HSPBAP1: variants seen among roughly 807,000 people sequenced by gnomAD.
The protein encoded by HSPBAP1 is HSPB1-associated protein 1.
Under a neutral mutation model 45.2 loss-of-function variants are expected in HSPBAP1, and 27 were observed. The observed-to-expected ratio is 0.60, with a 90% confidence interval of 0.44 to 0.82. HSPBAP1 has a LOEUF of 0.82. Among genes scored for constraint, HSPBAP1 ranks in the 40% least tolerant of loss-of-function variants. HSPBAP1 has a pLI of 0.00. For missense variants in HSPBAP1, 510 were observed against 590.9 expected, an observed-to-expected ratio of 0.86 and a Z score of 1.42; for synonymous variants, 204 against 202.7, an observed-to-expected ratio of 1.01 and a Z score of -0.06.
At chr3:122,778,943 C>T (rs1431648858) in intron 1 of HSPBAP1, among the ~76,000 whole-genome samples, 1 of 152,126 alleles carries the variant, frequency 6.6e-6, no homozygotes, top group Non-Finnish European at 1.5e-5. Flanking sequence ...AACTTTTCTT[C>T]GACCTATAAA....
At position 122,755,356 on chromosome 3, in the gene HSPBAP1, A is replaced by C; in HGVS notation, c.645T>G (p.Ser215Arg). 6.2e-7 allele frequency: 1 copy of C among 1,603,838 alleles called. No homozygotes were observed. The highest frequency in any genetic ancestry group is 8.5e-7 in the Non-Finnish European group (1 of 1,174,854). ...YPTRIPYEES[S>R]VFSKINVVNP... ...TGACAACATTGATTTTACTGAACAC[A>C]CTAGATTCTTCATAAGGGATTCTAG... is the stretch of plus-strand genomic sequence containing the variant. The change falls in exon 5 of 8, where the codon AGT (serine) becomes AGG (arginine). Residue 215 changes from serine to arginine, a missense_variant. By Grantham distance (110) the Ser-to-Arg change is moderately radical (BLOSUM62 -1). Coordinates refer to ENST00000306103, the MANE Select transcript of HSPBAP1 (RefSeq NM_024610.6).
At chr3:122,781,179 G>A (rs1211176915) in intron 1 of HSPBAP1, among the ~76,000 whole-genome samples, 3 of 150,966 alleles carry the variant, frequency 2.0e-5, no homozygotes, top group Non-Finnish European at 4.4e-5. Flanking sequence ...CTGCAATCTC[G>A]GCACTTTGGG....
intron 2 of HSPBAP1, among the ~76,000 whole-genome samples, chr3:122,776,666 A>T (rs1935202111): frequency 6.6e-6 from 1 of 152,230 alleles, no homozygotes; most frequent in Admixed American, 6.5e-5. Context: ...GAAAAGGCAC[A>T]ATTTGATTTT....
chr3:122,777,873 G>T lies in HSPBAP1; in HGVS notation c.98C>A (p.Ala33Glu). 1 of 1,612,794 alleles carries T rather than the reference G, an allele frequency of 6.2e-7. No individual in the cohort carries two copies. Among genetic ancestry groups the T allele is most frequent in the Non-Finnish European group, 8.5e-7 (1 of 1,179,218 alleles). The change falls in exon 2 of 8, where the codon GCA (alanine) becomes GAA (glutamate). Residue 33 changes from alanine to glutamate, a missense_variant. Physicochemically the swap from Ala to Glu is moderately radical, Grantham distance 107 (BLOSUM62 -1). Coordinates refer to ENST00000306103, the MANE Select transcript of HSPBAP1 (RefSeq NM_024610.6). Reference sequence around the variant, plus strand: ...TTGTAAAGACATGATAATTTCTTTTGCTTTCTCTGGCTTAAAAGGTTTGAC... The same window carrying T: ...TTGTAAAGACATGATAATTTCTTTTTCTTTCTCTGGCTTAAAAGGTTTGAC... ...EHVKPFKPEKAKEIIMSLQQP... is the reference protein window; with the variant it reads ...EHVKPFKPEKEKEIIMSLQQP...
At chr3:122,788,064 A>C (rs922851872) in intron 1 of HSPBAP1, among the ~76,000 whole-genome samples, 3 of 152,156 alleles carry the variant, frequency 2.0e-5, no homozygotes, top group Non-Finnish European at 4.4e-5. Flanking sequence ...TATCAATACC[A>C]ATGCTTGGTG....
intron 6 of HSPBAP1, chr3:122,741,538 C>T (rs1459293214): frequency 5.8e-6 from 1 of 172,020 alleles, no homozygotes; most frequent in Admixed American, 5.5e-5. Flanking sequence ...AGATGGCTAT[C>T]CATCTAAACG....
chr3:122,779,576 A>G (rs921134272), intron 1 of HSPBAP1, among the ~76,000 whole-genome samples: 2 of 151,446 alleles, frequency 1.3e-5, no homozygotes, highest in African/African-American at 4.9e-5. Context: ...GCAGGGTCAT[A>G]GGACAATAGT....
rs1254362399 is a variant in HSPBAP1, at chr3:122,778,517, T to A, written c.65-611A>T. On this transcript the variant is annotated intron_variant, in intron 1 of 7. Transcript: ENST00000306103. ...CCATCCACAGTCTAGTATTTCTTTT[T>A]TTTTTATTTTTTTTTTTTTTTTGAG... is the stretch of plus-strand genomic sequence containing the variant. 2.9e-4 allele frequency among the ~76,000 whole-genome samples: 29 copies of A among 99,702 alleles called. No individual in the cohort carries two copies. The East Asian group carries it at 3.0e-3, about 10-fold the overall frequency. The allele number at this position is 99,702 out of a possible 152,430, so 65.4% of individuals were successfully genotyped here. A position where few individuals can be genotyped will look rare whatever the true frequency, so the allele number is the denominator to read the frequency against.
Position 122,741,072 on chromosome 3 carries a change from AC to A in HSPBAP1, c.866del (p.Arg289LeufsTer7). 1 of 1,614,178 alleles carries A rather than the reference AC, an allele frequency of 6.2e-7. No individual in the cohort carries two copies. Among genetic ancestry groups the A allele is most frequent in the Non-Finnish European group, 8.5e-7 (1 of 1,180,008 alleles). On this transcript the variant is annotated frameshift_variant, in exon 7 of 8. Transcript: ENST00000306103. LOFTEE classifies it high-confidence loss of function. ...CAGTTTTCAGGGCACACACAAGCAT[AC>A]GGGTGATTGCCTCTTCTACCCGGGC... ...HLARVEEAIT[R>X]MLVCALKTAE...
At position 122,779,977 on chromosome 3, in the gene HSPBAP1, CA is replaced by C. The variant is rs1289855896; in HGVS notation, c.65-2072del. On this transcript the variant is annotated intron_variant, in intron 1 of 7. Transcript: ENST00000306103. The stretch of plus-strand genomic sequence containing the variant: ...CCACCTTTCCCCCCTTTCCATTCCA[CA>C]AAACCGCCATTGTCATCATGGCCCG... Among the ~76,000 whole-genome samples, 19 of 152,172 alleles carry C rather than the reference CA, an allele frequency of 1.2e-4. 1 individual carries two copies. Among genetic ancestry groups the C allele is most frequent in the African/African-American group, 4.3e-4 (18 of 41,562 alleles).
rs1368963815 is a variant in HSPBAP1 at position 122,793,739 on chromosome 3, A to C, written c.-59T>G. The C allele has an allele frequency of 2.6e-6, 4 of 1,537,600 alleles. No homozygotes were observed. Among genetic ancestry groups the C allele is most frequent in the Non-Finnish European group, 3.6e-6 (4 of 1,113,746 alleles). ...GGCGGAGCGGAGCTGGGGTGGGGTC[A>C]GAGTAGGGGCCAAACTCCGAGACCC... On this transcript the variant is annotated 5_prime_UTR_variant, in exon 1 of 8. Coordinates refer to ENST00000306103, the MANE Select transcript of HSPBAP1 (RefSeq NM_024610.6).
rs376809993 is a variant in HSPBAP1, at chr3:122,741,255, C to T, written c.826-142G>A. 44 of 651,228 alleles carry T rather than the reference C, an allele frequency of 6.8e-5. No homozygotes were observed. The East Asian group carries it at 1.0e-3, about 15-fold the overall frequency. The allele number at this position is 651,228 out of a possible 1,614,324, so 40.3% of individuals were successfully genotyped here. On this transcript the variant is annotated intron_variant, in intron 6 of 7. Transcript: ENST00000306103. Reference sequence around the variant, plus strand: ...AGGAATGAATATGCTATTGGTAGAACCACAATTTTTGTGTATTTACTATCA... The same window carrying T: ...AGGAATGAATATGCTATTGGTAGAATCACAATTTTTGTGTATTTACTATCA...
At chr3:122,770,620 G>A (rs1170442882) in intron 2 of HSPBAP1, among the ~76,000 whole-genome samples, 1 of 152,148 alleles carries the variant, frequency 6.6e-6, no homozygotes, top group Non-Finnish European at 1.5e-5. Flanking sequence ...AGGATCACTT[G>A]AGCCCTGGAG....
chr3:122,777,155 G>A (rs930060716), intron 2 of HSPBAP1, among the ~76,000 whole-genome samples: 4 of 152,172 alleles, frequency 2.6e-5, no homozygotes, highest in African/African-American at 9.7e-5. Context: ...CAGAAAAGAA[G>A]AGGCAGAATC....
At chr3:122,755,174 G>T in intron 5 of HSPBAP1, 86 bp downstream of exon 5, 1 of 1,273,940 alleles carries the variant, frequency 7.8e-7, no homozygotes, top group Non-Finnish European at 1.0e-6. Context: ...ACTGCGCAGG[G>T]AGGGGAAGCA....
chr3:122,776,911 A>G (rs1413359926), intron 2 of HSPBAP1, among the ~76,000 whole-genome samples: 1 of 152,248 alleles, frequency 6.6e-6, no homozygotes, highest in East Asian at 1.9e-4. Flanking sequence ...CTCCTAAGCT[A>G]TTAATAGATA....
intron 6 of HSPBAP1, among the ~76,000 whole-genome samples, chr3:122,745,826 G>A (rs775363090): frequency 1.3e-5 from 2 of 152,146 alleles, no homozygotes; most frequent in Admixed American, 6.5e-5. Context: ...GGTTACTAAG[G>A]TCTATGGTAA....
chr3:122,749,183 A>G (rs1356453520), intron 6 of HSPBAP1, among the ~76,000 whole-genome samples: 1 of 151,854 alleles, frequency 6.6e-6, no homozygotes, highest in Admixed American at 6.6e-5. Flanking sequence ...TATGTTTACA[A>G]GAAACACTGG....
chr3:122,792,897 A>G (rs907347002), intron 1 of HSPBAP1, among the ~76,000 whole-genome samples: 2 of 151,794 alleles, frequency 1.3e-5, no homozygotes, highest in African/African-American at 4.8e-5. Flanking sequence ...AAAAGAGAGA[A>G]AAGAAAAAGA....
Sources: gnomAD v4.1 joint callset for allele counts (sites outside exome capture counted in the v4.1 genomes callset) on GRCh38, gnomAD v4.1.1 for gene constraint, MANE v1.5 for transcripts, NCBI Gene and HGNC (gene_info 2026-07-23, HGNC 2026-07-21) for gene names.